Variants in SUDS3 observed in about 807,000 individuals in gnomAD.
SUDS3 encodes the protein SIN3A corepressor complex component SDS3, also known as sin3 histone deacetylase corepressor complex component SDS3.
A neutral mutation model predicts 53.5 loss-of-function variants in SUDS3; 23 were observed. The ratio of observed to expected loss-of-function variants is 0.43; its 90% CI spans 0.31 to 0.61. The LOEUF is 0.61. Among genes scored for constraint, SUDS3 ranks in the 20% least tolerant of loss-of-function variants. The pLI is 0.10. For missense variants in SUDS3, 291 were observed against 405.9 expected, an observed-to-expected ratio of 0.72 and a Z score of 2.43; for synonymous variants, 150 against 148.5, an observed-to-expected ratio of 1.01 and a Z score of -0.08.
intron 6 of SUDS3, among the ~76,000 whole-genome samples, chr12:118,399,204 A>G (rs2046242411): frequency 6.6e-6 from 1 of 152,136 alleles, no homozygotes; most frequent in African/African-American, 2.4e-5. Context: ...AGCCATTGAA[A>G]TATTTAGTAA....
At chr12:118,407,790 C>A (rs2046321081) in intron 10 of SUDS3, among the ~76,000 whole-genome samples, 1 of 151,130 alleles carries the variant, frequency 6.6e-6, no homozygotes, top group Non-Finnish European at 1.5e-5. Flanking sequence ...GCAATCTTGG[C>A]TCACTGCAGA....
At chr12:118,405,636 C>A (rs980882303) in intron 10 of SUDS3, among the ~76,000 whole-genome samples, 1 of 152,002 alleles carries the variant, frequency 6.6e-6, no homozygotes, top group African/African-American at 2.4e-5. Context: ...TTTCTCTATT[C>A]TGTATACTTT....
intron 11 of SUDS3, among the ~76,000 whole-genome samples, chr12:118,413,572 C>G (rs1192377915): frequency 6.6e-6 from 1 of 152,192 alleles, no homozygotes; most frequent in African/African-American, 2.4e-5. Flanking sequence ...GTAACCCTGG[C>G]TCAGGGGGTC....
chr12:118,398,259 A>T (rs1329889506), intron 6 of SUDS3, among the ~76,000 whole-genome samples: 1 of 152,132 alleles, frequency 6.6e-6, no homozygotes, highest in Non-Finnish European at 1.5e-5. Context: ...TGATACTTCT[A>T]TTCTCTAGAT....
At chr12:118,413,670 T>A (rs2046377019) in intron 11 of SUDS3, among the ~76,000 whole-genome samples, 1 of 152,194 alleles carries the variant, frequency 6.6e-6, no homozygotes, top group African/African-American at 2.4e-5. Flanking sequence ...AGTCCCCTGT[T>A]GCAAGAGTTC....
At chr12:118,413,469 A>C (rs183895921) in intron 11 of SUDS3, among the ~76,000 whole-genome samples, 2 of 152,330 alleles carry the variant, frequency 1.3e-5, no homozygotes. Context: ...CTCTTCTTTA[A>C]AATGGGGCCA....
chr12:118,384,981 T>G (rs946500115), intron 3 of SUDS3, among the ~76,000 whole-genome samples: 5 of 152,178 alleles, frequency 3.3e-5, no homozygotes, highest in Admixed American at 3.3e-4. Context: ...AGAGTAGATG[T>G]GATTATGCAT....
chr12:118,410,580 TTTTATTTATTTA>T (rs376070753), intron 10 of SUDS3, among the ~76,000 whole-genome samples: 30 of 133,606 alleles, frequency 2.2e-4, no homozygotes, highest in Non-Finnish European at 2.0e-4. Flanking sequence ...TATTTATTTA[TTTTATTTATTTA>T]TTTATTTATT....
rs1003972670 is a variant in SUDS3 at position 118,409,462 on chromosome 12, T to C, written c.804-1611T>C. ...GCCCGGCCTAAAATTCTGTTTCTTT[T>C]AACAGTATTTTCAGAAAGTACATTG... On this transcript the variant is annotated intron_variant, in intron 10 of 11. Coordinates refer to ENST00000543473, the MANE Select transcript of SUDS3 (RefSeq NM_022491.3). 8.4e-4 allele frequency among the ~76,000 whole-genome samples: 128 copies of C among 152,320 alleles called. 2 individuals carry two copies. Among genetic ancestry groups the C allele is most frequent in the Non-Finnish European group, 8.8e-5 (6 of 68,020 alleles).
At chr12:118,411,369 G>A (rs1305084275) in intron 11 of SUDS3, among the ~76,000 whole-genome samples, 2 of 152,210 alleles carry the variant, frequency 1.3e-5, no homozygotes, top group Non-Finnish European at 2.9e-5. Context: ...ATGCGGATTT[G>A]TCTATTCCAT....
At chr12:118,401,001 A>G (rs1324604550) in intron 7 of SUDS3, among the ~76,000 whole-genome samples, 1 of 152,186 alleles carries the variant, frequency 6.6e-6, no homozygotes, top group East Asian at 1.9e-4. Flanking sequence ...CTTTGCATGC[A>G]AAGTTCAGCC....
At position 118,414,676 on chromosome 12, in the gene SUDS3, C is replaced by T. The variant is rs958330040; in HGVS notation, c.*243C>T. On this transcript the variant is annotated 3_prime_UTR_variant, in exon 12 of 12. Coordinates refer to ENST00000543473, the MANE Select transcript of SUDS3 (RefSeq NM_022491.3). ...ACCATGAGACTGTTTTACTTTCAGG[C>T]GTATTGGGGGGTTTGATTTACTTTC... The T allele has an allele frequency of 1.3e-5, 5 of 380,280 alleles. No individual in the cohort carries two copies. Among genetic ancestry groups the T allele is most frequent in the East Asian group, 8.2e-5 (2 of 24,408 alleles). 23.6% of individuals were successfully genotyped at this position (380,280 alleles called of 1,614,324 possible). A position where few individuals can be genotyped will look rare whatever the true frequency, so the allele number is the denominator to read the frequency against.
intron 6 of SUDS3, among the ~76,000 whole-genome samples, chr12:118,396,433 C>T (rs1029902526): frequency 1.2e-4 from 18 of 151,876 alleles, no homozygotes; most frequent in Non-Finnish European, 1.9e-4. Flanking sequence ...TTGTATTTTT[C>T]TGTAGAGATG....
chr12:118,390,997 C>T, intron 5 of SUDS3, 129 bp from the exon 6 acceptor site: 2 of 1,055,542 alleles, frequency 1.9e-6, no homozygotes, highest in Non-Finnish European at 2.9e-6. Flanking sequence ...CTCAGACACA[C>T]TGTTACTGCA....
Position 118,380,654 on chromosome 12 carries a change from A to G in SUDS3, c.212+423A>G, listed in dbSNP as rs116211735. ...CTCTCTAGAAAGAATCTTGAGGGCA[A>G]TGGACCCAGGGGAGGGAATGAGGCC... On this transcript the variant is annotated intron_variant, in intron 2 of 11. Transcript: ENST00000543473. 6.7e-3 allele frequency among the ~76,000 whole-genome samples: 1,015 copies of G among 152,334 alleles called. 10 individuals are homozygous for G. Among genetic ancestry groups the G allele is most frequent in the African/African-American group, 0.023 (952 of 41,572 alleles).
At position 118,386,265 on chromosome 12, in the gene SUDS3, A is replaced by G. The variant is rs1257106582; in HGVS notation, c.340+80A>G. 3.6e-6 allele frequency: 4 copies of G among 1,122,666 alleles called. No homozygotes were observed. In the African/African-American group the frequency reaches 6.3e-5, roughly 18 times the overall value. The allele number at this position is 1,122,666 out of a possible 1,614,324, so 69.5% of individuals were successfully genotyped here. A position where few individuals can be genotyped will look rare whatever the true frequency, so the allele number is the denominator to read the frequency against. On this transcript the variant is annotated intron_variant, in intron 4 of 11. Coordinates refer to ENST00000543473, the MANE Select transcript of SUDS3 (RefSeq NM_022491.3). Reference sequence around the variant, plus strand: ...ATCGTCGGTGTAATGCAGCCCTAAGAGCTATTCTCCAAAACATATCCCAGA... The same window carrying G: ...ATCGTCGGTGTAATGCAGCCCTAAGGGCTATTCTCCAAAACATATCCCAGA...
chr12:118,397,811 C>T (rs1195746661), intron 6 of SUDS3, among the ~76,000 whole-genome samples: 2 of 151,796 alleles, frequency 1.3e-5, no homozygotes, highest in Admixed American at 6.6e-5. Flanking sequence ...GTTCAGTGGC[C>T]GTGATTGGCC....
intron 1 of SUDS3, 69 bp from the exon 2 acceptor site, chr12:118,380,091 ACT>A (rs1232088443): frequency 1.6e-5 from 20 of 1,242,906 alleles, no homozygotes; most frequent in Non-Finnish European, 2.2e-5. Context: ...TTGAGTGCAT[ACT>A]CTGTGTCAGG....
chr12:118,387,846 G>C (rs764236192), intron 4 of SUDS3, among the ~76,000 whole-genome samples: 1 of 152,234 alleles, frequency 6.6e-6, no homozygotes, highest in East Asian at 1.9e-4. Flanking sequence ...GTGAGCCAAC[G>C]TGCCCGGCCC....
Sources: gnomAD v4.1 joint callset for allele counts (sites outside exome capture counted in the v4.1 genomes callset) on GRCh38, gnomAD v4.1.1 for gene constraint, MANE v1.5 for transcripts, NCBI Gene and HGNC (gene_info 2026-07-23, HGNC 2026-07-21) for gene names.